Variants in RNF214 observed in about 807,000 individuals in gnomAD.
RNF214 encodes ring finger protein 214.
RNF214 carries 25 observed loss-of-function variants against 75.9 expected under a neutral mutation model. The observed-to-expected ratio is 0.33, with a 90% CI of 0.24 to 0.46. RNF214 has a LOEUF of 0.46. Ranked by LOEUF, RNF214 falls within the 20% of genes least tolerant of loss-of-function variation. RNF214 has a pLI of 1.00. For missense variants in RNF214, 725 were observed against 857.5 expected, an observed-to-expected ratio of 0.85 and a Z score of 1.93; for synonymous variants, 314 against 308.8, an observed-to-expected ratio of 1.02 and a Z score of -0.18.
At chr11:117,253,666 ACCTTATCTC>A (rs1180357259) in intron 6 of RNF214, among the ~76,000 whole-genome samples, 2 of 152,002 alleles carry the variant, frequency 1.3e-5, no homozygotes, top group Non-Finnish European at 2.9e-5. Context: ...ATATAGTGAG[ACCTTATCTC>A]TATAAAAAAT....
chr11:117,274,356 CTTTTTT>C (rs11461326), intron 6 of RNF214, among the ~76,000 whole-genome samples: 4 of 79,474 alleles, frequency 5.0e-5, no homozygotes, highest in South Asian at 5.6e-4. Flanking sequence ...CAAATGACTT[CTTTTTT>C]TTTTTTTTTT....
At chr11:117,246,270 ACTT>A (rs1411793040) in intron 5 of RNF214, among the ~76,000 whole-genome samples, 1 of 148,732 alleles carries the variant, frequency 6.7e-6, no homozygotes, top group Non-Finnish European at 1.5e-5. Context: ...GGCCTGTTTG[ACTT>A]CTTATTTAAA....
chr11:117,274,106 C>T (rs1011275965), intron 6 of RNF214, among the ~76,000 whole-genome samples: 1 of 151,936 alleles, frequency 6.6e-6, no homozygotes, highest in East Asian at 1.9e-4. Flanking sequence ...CTGCAAGCCT[C>T]GTTTATTTTC....
At chr11:117,283,492 C>G (rs2034171537) in intron 14 of RNF214, among the ~76,000 whole-genome samples, 1 of 152,030 alleles carries the variant, frequency 6.6e-6, no homozygotes. Context: ...TCCTGAGTAG[C>G]TGGGACTACA....
intron 6 of RNF214, among the ~76,000 whole-genome samples, chr11:117,277,973 CAAAA>C (rs550645604): frequency 7.9e-6 from 1 of 126,960 alleles, no homozygotes. Context: ...GACTCCCTCT[CAAAA>C]AAAAAAAAAG....
At chr11:117,278,417 C>G (rs1261632402) in intron 6 of RNF214, among the ~76,000 whole-genome samples, 1 of 152,210 alleles carries the variant, frequency 6.6e-6, no homozygotes, top group East Asian at 1.9e-4. Context: ...GTCCACTGAT[C>G]TTGGTAATCC....
chr11:117,247,648 C>A (rs1174759233), intron 6 of RNF214, among the ~76,000 whole-genome samples: 1 of 152,012 alleles, frequency 6.6e-6, no homozygotes, highest in African/African-American at 2.4e-5. Flanking sequence ...GTCAGGAGAT[C>A]GAGACCATCC....
Position 117,282,238 on chromosome 11 carries a change from G to A in RNF214, c.1680G>A (p.Glu560=). The change falls in exon 11 of 15, where the codon GAG becomes GAA. Residue 560 remains glutamate, a synonymous_variant. Transcript: ENST00000300650. ...TAGACAAACTGGAGAAGATCCTGGAGAAGCTGCTGACCCGGTTCCCACAGT... is the reference window on the plus strand; with the variant it reads ...TAGACAAACTGGAGAAGATCCTGGAAAAGCTGCTGACCCGGTTCCCACAGT... ...QPVDKLEKIL[E]KLLTRFPQCN... is the part of the protein sequence containing the mutation. 8 of 1,604,116 alleles carry A rather than the reference G, an allele frequency of 5.0e-6. No individual in the cohort carries two copies. Among genetic ancestry groups the A allele is most frequent in the Non-Finnish European group, 6.8e-6 (8 of 1,174,548 alleles).
chr11:117,284,910 A>G (rs938139670), intron 14 of RNF214, among the ~76,000 whole-genome samples, 176 bp from the exon 15 acceptor site: 3 of 152,214 alleles, frequency 2.0e-5, no homozygotes, highest in Admixed American at 6.5e-5. Context: ...AGCCTGGGCA[A>G]TAGAGTGAGA....
At chr11:117,261,791 G>A (rs1397472761) in intron 6 of RNF214, among the ~76,000 whole-genome samples, 1 of 151,114 alleles carries the variant, frequency 6.6e-6, no homozygotes, top group Non-Finnish European at 1.5e-5. Flanking sequence ...GATTACTGGT[G>A]CCTGCCACCA....
chr11:117,234,380 G>A lies in RNF214; in HGVS notation c.107+1G>A. The A allele has an allele frequency of 6.3e-7, 1 of 1,596,608 alleles. No homozygotes were observed. The highest frequency in any genetic ancestry group is 8.6e-7 in the Non-Finnish European group (1 of 1,164,048). On this transcript the variant is annotated splice_donor_variant, in intron 2 of 14. Coordinates refer to ENST00000300650, the MANE Select transcript of RNF214 (RefSeq NM_207343.4). LOFTEE classifies it high-confidence loss of function. ...ACGAAGGTCTCCCAGATGGTCTAAGGTAATGTGTGGACTCCTGACTGGGAA... is the reference window on the plus strand; with the variant it reads ...ACGAAGGTCTCCCAGATGGTCTAAGATAATGTGTGGACTCCTGACTGGGAA...
In RNF214 at chr11:117,281,298, G is replaced by A. The variant is rs1191341934; in HGVS notation, c.1146-16G>A. Reference sequence around the variant, plus strand: ...GCTTTCTTTAAATCTGTAAATTCCTGTTGGTTTCTTGAAAGGTCAACTCCC... The same window carrying A: ...GCTTTCTTTAAATCTGTAAATTCCTATTGGTTTCTTGAAAGGTCAACTCCC... On this transcript the variant is annotated splice_polypyrimidine_tract_variant and intron_variant, in intron 8 of 14. Transcript: ENST00000300650. 1.9e-6 allele frequency: 3 copies of A among 1,592,510 alleles called. No individual in the cohort carries two copies. The highest frequency in any genetic ancestry group is 2.6e-6 in the Non-Finnish European group (3 of 1,160,812).
intron 4 of RNF214, among the ~76,000 whole-genome samples, chr11:117,241,134 C>T (rs913238656): frequency 6.6e-6 from 1 of 151,622 alleles, no homozygotes; most frequent in Non-Finnish European, 1.5e-5. Flanking sequence ...GACCCGAGAT[C>T]GTACCACTGC....
chr11:117,265,113 T>G (rs1192855737), intron 6 of RNF214, among the ~76,000 whole-genome samples: 1 of 152,070 alleles, frequency 6.6e-6, no homozygotes. Context: ...CCTGATAAGC[T>G]GCCTTTTAAT....
At position 117,279,323 on chromosome 11, in the gene RNF214, C is replaced by CTTT. The variant is rs34196418; in HGVS notation, c.960-561_960-559dup. 2.2e-3 allele frequency among the ~76,000 whole-genome samples: 233 copies of CTTT among 104,346 alleles called. 18 individuals carry two copies. Among genetic ancestry groups the CTTT allele is most frequent in the African/African-American group, 7.8e-3 (198 of 25,432 alleles). 68.5% of individuals were successfully genotyped at this position (104,346 alleles called of 152,430 possible). On this transcript the variant is annotated intron_variant, in intron 6 of 14. Transcript: ENST00000300650. ...TTATTTTAGCAAGTGGAGATACAAACTTTTTTTTTTTTTTTTTTTTTTTTT... is the reference window on the plus strand; with the variant it reads ...TTATTTTAGCAAGTGGAGATACAAACTTTTTTTTTTTTTTTTTTTTTTTTTTTT...
At chr11:117,249,471 G>A (rs1246431297) in intron 6 of RNF214, among the ~76,000 whole-genome samples, 2 of 152,170 alleles carry the variant, frequency 1.3e-5, no homozygotes, top group Non-Finnish European at 2.9e-5. Context: ...TTTTCCGGAA[G>A]CAGGGGGAAT....
intron 6 of RNF214, among the ~76,000 whole-genome samples, chr11:117,279,418 G>A (rs1018126707): frequency 2.8e-5 from 4 of 144,836 alleles, no homozygotes; most frequent in Non-Finnish European, 6.0e-5. Context: ...TGCAACCTGC[G>A]CCTCCCAGGT....
intron 2 of RNF214, among the ~76,000 whole-genome samples, chr11:117,235,145 A>G (rs1591814604): frequency 6.6e-6 from 1 of 152,236 alleles, no homozygotes; most frequent in Admixed American, 6.5e-5. Context: ...TTCAGTACAG[A>G]TGCAACCATC....
intron 5 of RNF214, among the ~76,000 whole-genome samples, chr11:117,245,679 A>G (rs1170398198): frequency 1.3e-5 from 2 of 152,206 alleles, no homozygotes; most frequent in African/African-American, 4.8e-5. Context: ...CGGATAAATT[A>G]GATACATCCA....
Sources: gnomAD v4.1 joint callset for allele counts (sites outside exome capture counted in the v4.1 genomes callset) on GRCh38, gnomAD v4.1.1 for gene constraint, MANE v1.5 for transcripts, NCBI Gene and HGNC (gene_info 2026-07-23, HGNC 2026-07-21) for gene names.